The following GLYAT variants were observed in gnomAD, a reference collection of about 807,000 sequenced individuals.
GLYAT encodes glycine N-acyltransferase.
GLYAT carries 25 observed loss-of-function variants against 22.8 expected under a neutral mutation model. That is an observed-to-expected ratio of 1.09 (90% CI 0.80 to 1.53). The LOEUF is 1.53. Ranked by LOEUF, GLYAT falls within the 40% of genes most tolerant of loss-of-function variation. GLYAT has a pLI of 0.00. For synonymous variants in GLYAT, 140 were observed against 122.7 expected (o/e 1.14, Z -0.93); for missense variants, 411 against 353.9 (o/e 1.16, Z -1.29).
chr11:58,709,891 T>C lies in GLYAT; in HGVS notation c.766A>G (p.Lys256Glu). The change falls in exon 6 of 6, where the codon AAA becomes GAA. Residue 256 changes from lysine to glutamate, a missense_variant. Physicochemically the swap from Lys to Glu is moderately conservative, Grantham distance 56 (BLOSUM62 1). Transcript: ENST00000344743. Reference protein sequence around the residue: ...VIYSHAQKLGKLGFPVYSHVD... With the variant: ...VIYSHAQKLGELGFPVYSHVD... Reference sequence around the variant, plus strand: ...TGAGAATAGACAGGAAACCCAAGTTTGCCCAATTTCTGGGCGTGGGAATAG... The same window carrying C: ...TGAGAATAGACAGGAAACCCAAGTTCGCCCAATTTCTGGGCGTGGGAATAG... 6.2e-7 allele frequency: 1 copy of C among 1,614,158 alleles called. No individual in the cohort carries two copies. Among genetic ancestry groups the C allele is most frequent in the Non-Finnish European group, 8.5e-7 (1 of 1,180,008 alleles).
chr11:58,728,913 G>GGAAGGAAA (rs1856842276), intron 1 of GLYAT, among the ~76,000 whole-genome samples: 1 of 126,424 alleles, frequency 7.9e-6, no homozygotes, highest in African/African-American at 2.9e-5. Context: ...AAGGAAGGAA[G>GGAAGGAAA]GAAGGAAGGA....
intron 1 of GLYAT, among the ~76,000 whole-genome samples, chr11:58,728,345 G>A (rs1309401405): frequency 6.6e-6 from 1 of 152,074 alleles, no homozygotes; most frequent in Non-Finnish European, 1.5e-5. Flanking sequence ...ACAGGCGTGA[G>A]CCACTGCGCC....
At position 58,709,553 on chromosome 11, in the gene GLYAT, A is replaced by T; in HGVS notation, c.*213T>A. 1 of 494,112 alleles carries T rather than the reference A, an allele frequency of 2.0e-6. No homozygotes were observed. Among genetic ancestry groups the T allele is most frequent in the Non-Finnish European group, 3.6e-6 (1 of 281,628 alleles). 30.6% of individuals were successfully genotyped at this position (494,112 alleles called of 1,614,324 possible). A position where few individuals can be genotyped will look rare whatever the true frequency, so the allele number is the denominator to read the frequency against. On this transcript the variant is annotated 3_prime_UTR_variant, in exon 6 of 6. Transcript: ENST00000344743. ...GTGGGGAGGTAAATTGCTTATGTCA[A>T]ATGTAAGAGGACCTGGGCCTGCTTC...
chr11:58,710,710 G>C lies in GLYAT; in HGVS notation c.368C>G (p.Ser123Cys). The C allele has an allele frequency of 6.2e-7, 1 of 1,613,470 alleles. No individual in the cohort carries two copies. Among genetic ancestry groups the C allele is most frequent in the Non-Finnish European group, 8.5e-7 (1 of 1,179,462 alleles). The change falls in exon 5 of 6, where the codon TCC becomes TGC. Residue 123 changes from serine to cysteine, a missense_variant. Ser to Cys is a moderately radical substitution (Grantham distance 112, BLOSUM62 -1). Transcript: ENST00000344743. ...GCGTTGTGTTTGTTTGACTTTGAAG[G>C]ACTTAATGGCTGCAAGATTTTGTAT... ...EAIQNLAAIK[S>C]FKVKQTQRIL...
chr11:58,719,069 C>A (rs1856718384), intron 2 of GLYAT, among the ~76,000 whole-genome samples: 1 of 151,860 alleles, frequency 6.6e-6, no homozygotes, highest in African/African-American at 2.4e-5. Flanking sequence ...TTAGGGGAAC[C>A]TACTGTCTTA....
At chr11:58,719,090 C>G (rs1164663595) in intron 2 of GLYAT, among the ~76,000 whole-genome samples, 1 of 151,892 alleles carries the variant, frequency 6.6e-6, no homozygotes, top group Non-Finnish European at 1.5e-5. Flanking sequence ...AAGAATTAAT[C>G]AGGTCAGAAA....
Position 58,710,123 on chromosome 11 carries a change from A to G in GLYAT, c.534T>C (p.Ala178=). 2.5e-6 allele frequency: 4 copies of G among 1,614,076 alleles called. No homozygotes were observed. Among genetic ancestry groups the G allele is most frequent in the Non-Finnish European group, 3.4e-6 (4 of 1,179,962 alleles). Residue 178 remains alanine, a synonymous_variant, in exon 6 of 6, where the codon GCT becomes GCC. Coordinates refer to ENST00000344743, the MANE Select transcript of GLYAT (RefSeq NM_201648.3). ...AATGCCAGAATTTATTCACCAAGTGAGCATGGGTAACATCCATGGATGAGA... is the reference window on the plus strand; with the variant it reads ...AATGCCAGAATTTATTCACCAAGTGGGCATGGGTAACATCCATGGATGAGA... ...FKLSSMDVTH[A]HLVNKFWHFG...
chr11:58,715,225 T>A, intron 3 of GLYAT, 91 bp downstream of exon 3: 2 of 653,140 alleles, frequency 3.1e-6, no homozygotes. Flanking sequence ...ATGATTTACT[T>A]CTGCATGCCC....
intron 2 of GLYAT, among the ~76,000 whole-genome samples, chr11:58,720,075 T>C (rs1017727781): frequency 6.6e-6 from 1 of 151,976 alleles, no homozygotes; most frequent in African/African-American, 2.4e-5. Context: ...AAAAAACCTT[T>C]GTTAAAAATA....
intron 3 of GLYAT, among the ~76,000 whole-genome samples, chr11:58,715,100 C>T (rs1248272531): frequency 6.6e-6 from 1 of 151,854 alleles, no homozygotes. Context: ...TTTATTTGGC[C>T]TCTTTCTGTA....
intron 2 of GLYAT, among the ~76,000 whole-genome samples, chr11:58,716,299 G>T (rs1260139478): frequency 2.0e-5 from 3 of 152,042 alleles, no homozygotes; most frequent in African/African-American, 4.8e-5. Context: ...TATCAGCATG[G>T]AAATACACCA....
intron 4 of GLYAT, among the ~76,000 whole-genome samples, 181 bp from the exon 5 acceptor site, chr11:58,710,942 T>C (rs1160017782): frequency 6.6e-6 from 1 of 152,174 alleles, no homozygotes; most frequent in Non-Finnish European, 1.5e-5. Flanking sequence ...TCAAAAAGAC[T>C]TCCCTCCCCA....
At position 58,718,097 on chromosome 11, in the gene GLYAT, T is replaced by A. The variant is rs978707486; in HGVS notation, c.82-2674A>T. Reference sequence around the variant, plus strand: ...CATTTTTTTCAAGGGCTTTATTGGCTCCAGAAGTCAAGTTTGATTTCTTAA... The same window carrying A: ...CATTTTTTTCAAGGGCTTTATTGGCACCAGAAGTCAAGTTTGATTTCTTAA... On this transcript the variant is annotated intron_variant, in intron 2 of 5. Transcript: ENST00000344743. Among the ~76,000 whole-genome samples, 10 of 152,054 alleles carry A rather than the reference T, an allele frequency of 6.6e-5. 1 individual carries two copies. The highest frequency in any genetic ancestry group is 1.5e-4 in the Non-Finnish European group (10 of 67,936).
At chr11:58,715,233 C>T (rs538916190) in intron 3 of GLYAT, 83 bp downstream of exon 3, 49 of 684,904 alleles carry the variant, frequency 7.2e-5, no homozygotes, top group Non-Finnish European at 1.2e-4. Context: ...CTTCTGCATG[C>T]CCTGGCTCTA....
chr11:58,730,128 G>T (rs1856857492), intron 1 of GLYAT, among the ~76,000 whole-genome samples: 1 of 152,100 alleles, frequency 6.6e-6, no homozygotes, highest in East Asian at 1.9e-4. Flanking sequence ...TTTGATCCTG[G>T]TCCAGTTATT....
chr11:58,710,286 A>G, intron 5 of GLYAT, 118 bp from the exon 6 acceptor site: 1 of 1,431,886 alleles, frequency 7.0e-7, no homozygotes, highest in Admixed American at 2.7e-5. Flanking sequence ...GAAGTCCTGG[A>G]ATATAGATGA....
At chr11:58,717,715 T>C (rs1856701450) in intron 2 of GLYAT, among the ~76,000 whole-genome samples, 1 of 152,084 alleles carries the variant, frequency 6.6e-6, no homozygotes, top group Non-Finnish European at 1.5e-5. Flanking sequence ...AAATATAGTC[T>C]TTTTCTCTCT....
chr11:58,717,318 G>A (rs1246654652), intron 2 of GLYAT, among the ~76,000 whole-genome samples: 1 of 151,998 alleles, frequency 6.6e-6, no homozygotes, highest in African/African-American at 2.4e-5. Context: ...GTCCTATGAA[G>A]AGAAAATAGG....
intron 2 of GLYAT, among the ~76,000 whole-genome samples, chr11:58,723,588 G>T (rs1856778588): frequency 6.6e-6 from 1 of 152,126 alleles, no homozygotes; most frequent in East Asian, 1.9e-4. Flanking sequence ...ATATAGGAAT[G>T]TCTTCTAAAA....
Sources: allele counts gnomAD v4.1 joint callset (sites outside exome capture counted in the v4.1 genomes callset), GRCh38; gene constraint gnomAD v4.1.1; transcripts MANE v1.5; gene names NCBI Gene and HGNC (gene_info 2026-07-23, HGNC 2026-07-21).